DGKB: variants seen among roughly 807,000 people sequenced by gnomAD.
DGKB encodes the protein diacylglycerol kinase beta.
In DGKB, 67 loss-of-function variants were observed where a neutral mutation model predicts 114.3. The observed-to-expected ratio is 0.59, with a 90% confidence interval of 0.48 to 0.72. DGKB has a LOEUF of 0.72. Ranked by LOEUF, DGKB falls within the 30% of genes least tolerant of loss-of-function variation. The pLI is 0.00. For missense variants in DGKB, 907 were observed against 975.2 expected (o/e 0.93, Z 0.93); for synonymous variants, 398 against 323.1 (o/e 1.23, Z -2.49).
chr7:14,933,473 T>A (rs1223165443), intron 1 of DGKB, among the ~76,000 whole-genome samples: 1 of 152,208 alleles, frequency 6.6e-6, no homozygotes, highest in Non-Finnish European at 1.5e-5. Context: ...ATGTATTGAA[T>A]GAATAGAATG....
intron 4 of DGKB, among the ~76,000 whole-genome samples, chr7:14,740,373 C>T (rs1832406570): frequency 6.6e-6 from 1 of 151,942 alleles, no homozygotes; most frequent in African/African-American, 2.4e-5. Context: ...CCTGTGAGTA[C>T]AGGGGGCTTC....
intron 25 of DGKB, among the ~76,000 whole-genome samples, chr7:14,157,646 T>C (rs886595595): frequency 6.6e-6 from 1 of 152,236 alleles, no homozygotes; most frequent in African/African-American, 2.4e-5. Context: ...TTGAAATCTC[T>C]TTTAACATAT....
intron 1 of DGKB, among the ~76,000 whole-genome samples, chr7:14,929,061 A>G (rs955798779): frequency 6.6e-6 from 1 of 151,244 alleles, no homozygotes; most frequent in Non-Finnish European, 1.5e-5. Context: ...ACACACATAC[A>G]TATCACATTT....
chr7:14,326,516 C>A (rs1015841359), intron 23 of DGKB, among the ~76,000 whole-genome samples: 1 of 152,162 alleles, frequency 6.6e-6, no homozygotes, highest in Non-Finnish European at 1.5e-5. Flanking sequence ...AATGGACATT[C>A]TCACCTGGAG....
intron 2 of DGKB, among the ~76,000 whole-genome samples, chr7:14,769,070 T>TAGGAAAGA (rs1219591552): frequency 2.4e-5 from 2 of 84,268 alleles, no homozygotes; most frequent in Non-Finnish European, 4.6e-5. Context: ...TTTTTAAAGA[T>TAGGAAAGA]AAGAAAGAAA....
At chr7:14,923,346 C>G (rs1010804804) in intron 1 of DGKB, among the ~76,000 whole-genome samples, 14 of 152,118 alleles carry the variant, frequency 9.2e-5, no homozygotes, top group African/African-American at 3.4e-4. Flanking sequence ...GAGCTCCAAT[C>G]AGATATCTAT....
At chr7:14,426,543 A>G (rs1827557149) in intron 21 of DGKB, among the ~76,000 whole-genome samples, 1 of 152,142 alleles carries the variant, frequency 6.6e-6, no homozygotes, top group Non-Finnish European at 1.5e-5. Context: ...ACCAGACTAA[A>G]ACAGCTTTAA....
chr7:14,935,399 A>C (rs1181855484), intron 1 of DGKB, among the ~76,000 whole-genome samples: 1 of 152,154 alleles, frequency 6.6e-6, no homozygotes, highest in Non-Finnish European at 1.5e-5. Flanking sequence ...GTTTTTAATT[A>C]AAATATCCCA....
In DGKB at chr7:14,960,222, C is replaced by T. The variant is rs139018098; in HGVS notation, c.-188+14474G>A. Among the ~76,000 whole-genome samples the T allele has an allele frequency of 4.4e-3, 664 of 152,048 alleles. 7 individuals carry two copies. The highest frequency in any genetic ancestry group is 0.015 in the African/African-American group (612 of 41,500). ...AATCAAGCGTGAGGTGTGACGAATG[C>T]GTTTAGTTTACTTTGAAAATTTTGC... On this transcript the variant is annotated intron_variant, in intron 1 of 4. Coordinates refer to the DGKB transcript ENST00000437998.
chr7:14,680,818 G>T (rs1385820459), intron 12 of DGKB, among the ~76,000 whole-genome samples: 2 of 151,734 alleles, frequency 1.3e-5, no homozygotes, highest in African/African-American at 4.8e-5. Context: ...ATTAGAAAAG[G>T]CAGCAATGCA....
chr7:14,534,596 A>C (rs1792125700), intron 20 of DGKB, among the ~76,000 whole-genome samples: 1 of 152,162 alleles, frequency 6.6e-6, no homozygotes, highest in Admixed American at 6.6e-5. Context: ...GACTCACCTT[A>C]GATTTGAAGA....
At chr7:14,527,602 T>A in intron 20 of DGKB, among the ~76,000 whole-genome samples, 1 of 152,074 alleles carries the variant, frequency 6.6e-6, no homozygotes, top group East Asian at 1.9e-4. Flanking sequence ...ATATAAATCA[T>A]TTTTGGAAGG....
At chr7:14,728,206 T>C (rs529402214) in intron 5 of DGKB, among the ~76,000 whole-genome samples, 3 of 152,320 alleles carry the variant, frequency 2.0e-5, no homozygotes, top group Admixed American at 2.0e-4. Flanking sequence ...TTTTCAGAGA[T>C]AGCTGTTACT....
intron 4 of DGKB, among the ~76,000 whole-genome samples, chr7:14,743,430 T>C (rs1832838103): frequency 6.6e-6 from 1 of 152,154 alleles, no homozygotes; most frequent in African/African-American, 2.4e-5. Flanking sequence ...TGGGATTGTA[T>C]TTCAAATTAT....
In DGKB at chr7:14,667,835, A is replaced by ATT. The variant is rs1401538703; in HGVS notation, c.1134+5093_1134+5094insAA. Among the ~76,000 whole-genome samples the ATT allele has an allele frequency of 3.9e-5, 6 of 152,214 alleles. No individual in the cohort carries two copies. In the East Asian group the frequency reaches 1.2e-3, roughly 29 times the overall value. On this transcript the variant is annotated intron_variant, in intron 13 of 25. Coordinates refer to ENST00000402815, the MANE Select transcript of DGKB (RefSeq NM_001350709.2). ...ATTTTTATTCCGTGACAAGAAAGTA[A>ATT]CCTTTTAATTCGGACTTAGCTAGGT...
At chr7:14,726,277 T>C (rs1830018545) in intron 5 of DGKB, among the ~76,000 whole-genome samples, 1 of 151,986 alleles carries the variant, frequency 6.6e-6, no homozygotes, top group African/African-American at 2.4e-5. Context: ...GTAGCTGGGA[T>C]TATAGGCACC....
intron 6 of DGKB, 145 bp downstream of exon 6, chr7:14,718,397 C>A (rs1160849966): frequency 3.5e-6 from 2 of 572,594 alleles, no homozygotes; most frequent in African/African-American, 1.9e-5. Context: ...TGATCCTCAG[C>A]AGGAGGAAAT....
At chr7:14,506,216 C>T (rs1209811032) in intron 20 of DGKB, among the ~76,000 whole-genome samples, 3 of 152,040 alleles carry the variant, frequency 2.0e-5, no homozygotes, top group African/African-American at 7.2e-5. Flanking sequence ...AATTTCATGC[C>T]TCCCACAAAT....
chr7:14,245,896 C>A (rs796932376), intron 23 of DGKB, among the ~76,000 whole-genome samples: 38 of 152,172 alleles, frequency 2.5e-4, no homozygotes, highest in African/African-American at 8.9e-4. Flanking sequence ...CCACTACACG[C>A]CAGCCTGGGC....
Sources: allele counts gnomAD v4.1 joint callset (sites outside exome capture counted in the v4.1 genomes callset), GRCh38; gene constraint gnomAD v4.1.1; transcripts MANE v1.5; gene names NCBI Gene and HGNC (gene_info 2026-07-23, HGNC 2026-07-21).